ZFHX3: variants seen among roughly 807,000 people sequenced by gnomAD.
The protein encoded by ZFHX3 is zinc finger homeobox protein 3.
ZFHX3 carries 42 observed loss-of-function variants against 279.1 expected under a neutral mutation model. The ratio of observed to expected loss-of-function variants is 0.15; its 90% CI spans 0.12 to 0.19. The LOEUF (loss-of-function observed/expected upper bound fraction) is 0.19. ZFHX3 is among the 10% of genes least tolerant of loss of function. The pLI is 1.00. For missense variants in ZFHX3, 4,981 were observed against 4,754.0 expected (o/e 1.05, Z -1.40); for synonymous variants, 2,293 against 1,957.8 (o/e 1.17, Z -4.52).
rs143091330 is a variant in ZFHX3 at position 72,795,460 on chromosome 16, G to T, written c.7222C>A (p.Gln2408Lys). 2 of 1,614,096 alleles carry T rather than the reference G, an allele frequency of 1.2e-6. No homozygotes were observed. The highest frequency in any genetic ancestry group is 2.7e-5 in the African/African-American group (2 of 74,928). The change falls in exon 9 of 10, where the codon CAG (glutamine) becomes AAG (lysine). Residue 2408 changes from glutamine (Q) to lysine (K), a missense_variant. Gln to Lys is a moderately conservative substitution (Grantham distance 53). Transcript: ENST00000268489. The stretch of plus-strand genomic sequence containing the variant: ...AGTTCCTCAGCCTCCGCTGTAAGCT[G>T]CAAGAAAGCGGAGGAAGCTGTATTA... ...ANNTASSAFL[Q>K]LTAEAEELAT...
At chr16:73,377,271 CCA>C (rs2016739338) in intron 3 of ZFHX3, among the ~76,000 whole-genome samples, 1 of 152,054 alleles carries the variant, frequency 6.6e-6, no homozygotes, top group Non-Finnish European at 1.5e-5. Context: ...CATGCCTGGC[CCA>C]CGGCTACTTT....
intron 2 of ZFHX3, among the ~76,000 whole-genome samples, chr16:73,524,390 C>T (rs960942536): frequency 7.2e-5 from 11 of 152,150 alleles, no homozygotes; most frequent in African/African-American, 2.4e-4. Flanking sequence ...AGGGAGGCAT[C>T]GTAAAACATC....
chr16:73,136,810 A>G (rs990862734), intron 6 of ZFHX3, among the ~76,000 whole-genome samples: 5 of 150,800 alleles, frequency 3.3e-5, no homozygotes, highest in African/African-American at 1.2e-4. Context: ...CTAGGGGTGC[A>G]GGGAAGAAAT....
At chr16:73,426,514 T>A (rs954650242) in intron 3 of ZFHX3, among the ~76,000 whole-genome samples, 14 of 151,842 alleles carry the variant, frequency 9.2e-5, no homozygotes, top group Admixed American at 8.5e-4. Context: ...AATGACAGAG[T>A]TTGAATGCAG....
chr16:72,971,878 ATTT>A (rs34508228), intron 1 of ZFHX3, among the ~76,000 whole-genome samples: 2,508 of 95,404 alleles, frequency 0.026, 22 homozygotes, highest in African/African-American at 0.069. Flanking sequence ...CTGCCTATTA[ATTT>A]TTTTTTTTTT....
chr16:72,848,244 G>C (rs940355403), intron 4 of ZFHX3, among the ~76,000 whole-genome samples: 3 of 152,102 alleles, frequency 2.0e-5, no homozygotes, highest in African/African-American at 4.8e-5. Context: ...GCGCTAAGCA[G>C]TTAGGAACTT....
chr16:73,572,790 A>C (rs144886204), intron 2 of ZFHX3, among the ~76,000 whole-genome samples: 18 of 152,304 alleles, frequency 1.2e-4, no homozygotes, highest in South Asian at 2.1e-4. Flanking sequence ...TCATCTCCCA[A>C]TTACAGGGAA....
At chr16:72,977,406 G>A (rs1297783629) in intron 1 of ZFHX3, among the ~76,000 whole-genome samples, 6 of 152,160 alleles carry the variant, frequency 3.9e-5, no homozygotes, top group Admixed American at 2.0e-4. Flanking sequence ...TTATAGGGTC[G>A]CATGCTCACG....
At chr16:73,048,840 CAGAGAA>C (rs1965395313), upstream of ZFHX3, among the ~76,000 whole-genome samples, 2 of 152,212 alleles carry the variant, frequency 1.3e-5, no homozygotes, top group South Asian at 4.2e-4. Flanking sequence ...TTTTTGAGGC[CAGAGAA>C]AGAGAAAAGG....
At chr16:72,896,772 T>TAGA (rs2144109285) in intron 3 of ZFHX3, among the ~76,000 whole-genome samples, 1 of 152,362 alleles carries the variant, frequency 6.6e-6, no homozygotes, top group Admixed American at 6.5e-5. Context: ...AGGAAACTTC[T>TAGA]AACATCTGGT....
At chr16:73,298,052 A>G (rs1190117482) in intron 4 of ZFHX3, among the ~76,000 whole-genome samples, 1 of 151,548 alleles carries the variant, frequency 6.6e-6, no homozygotes, top group Non-Finnish European at 1.5e-5. Flanking sequence ...TTAGCCAGGC[A>G]TGGTGGCATG....
intron 4 of ZFHX3, among the ~76,000 whole-genome samples, chr16:72,853,953 A>G (rs985194793): frequency 6.9e-6 from 1 of 145,690 alleles, no homozygotes; most frequent in African/African-American, 2.5e-5. Context: ...CTTGAGAAGG[A>G]AAAAAAAAAA....
intron 3 of ZFHX3, among the ~76,000 whole-genome samples, chr16:73,449,496 A>C (rs1597339826): frequency 6.6e-6 from 1 of 152,284 alleles, no homozygotes; most frequent in East Asian, 1.9e-4. Context: ...ACCCCATCTC[A>C]AAAAATAACA....
intron 1 of ZFHX3, among the ~76,000 whole-genome samples, chr16:72,997,992 G>C (rs568606665): frequency 1.3e-5 from 2 of 152,296 alleles, no homozygotes; most frequent in South Asian, 4.1e-4. Context: ...TGGGATAGGA[G>C]AATTGCTTGA....
At chr16:73,517,266 T>A (rs888228632) in intron 2 of ZFHX3, among the ~76,000 whole-genome samples, 7 of 152,344 alleles carry the variant, frequency 4.6e-5, no homozygotes, top group Admixed American at 4.6e-4. Flanking sequence ...TGGGGATCTC[T>A]GCATTTTTCT....
chr16:73,550,968 G>T (rs144838346), intron 2 of ZFHX3, among the ~76,000 whole-genome samples: 206 of 152,280 alleles, frequency 1.4e-3, no homozygotes, highest in African/African-American at 4.7e-3. Flanking sequence ...GCTTGGAAAT[G>T]AATCTAAAGT....
intron 6 of ZFHX3, chr16:73,137,337 C>T (rs1966812167): frequency 6.6e-6 from 1 of 152,144 alleles, no homozygotes; most frequent in Admixed American, 6.5e-5. Flanking sequence ...TGTAAACCCA[C>T]CGCAGCTTGG....
At chr16:73,247,251 G>A (rs192252749) in intron 5 of ZFHX3, among the ~76,000 whole-genome samples, 6 of 151,378 alleles carry the variant, frequency 4.0e-5, no homozygotes, top group Non-Finnish European at 7.4e-5. Flanking sequence ...TGTATGTGGA[G>A]TACATGTGTG....
intron 4 of ZFHX3, among the ~76,000 whole-genome samples, chr16:72,842,376 C>T (rs1460292169): frequency 6.6e-6 from 1 of 152,034 alleles, no homozygotes; most frequent in Non-Finnish European, 1.5e-5. Flanking sequence ...AGCCACCATG[C>T]CCAGCCAGCA....
Sources: gnomAD v4.1 joint callset for allele counts (sites outside exome capture counted in the v4.1 genomes callset) on GRCh38, gnomAD v4.1.1 for gene constraint, MANE v1.5 for transcripts, NCBI Gene and HGNC (gene_info 2026-07-23, HGNC 2026-07-21) for gene names.